Variants in A1CF observed in about 807,000 individuals in gnomAD.
A1CF encodes the protein APOBEC-1 stimulating protein.
A neutral mutation model predicts 68.9 loss-of-function variants in A1CF; 48 were observed. The ratio of observed to expected loss-of-function variants is 0.70; its 90% CI spans 0.55 to 0.89. The LOEUF (loss-of-function observed/expected upper bound fraction) is 0.89. A1CF is among the 40% of genes least tolerant of loss of function. The pLI is 0.00. For missense variants in A1CF, 653 were observed against 718.9 expected, an observed-to-expected ratio of 0.91 and a Z score of 1.05; for synonymous variants, 272 against 260.4, an observed-to-expected ratio of 1.04 and a Z score of -0.43.
At chr10:50,842,392 C>T (rs1839821981) in intron 4 of A1CF, among the ~76,000 whole-genome samples, 1 of 152,198 alleles carries the variant, frequency 6.6e-6, no homozygotes, top group African/African-American at 2.4e-5. Context: ...AGGTGGATTG[C>T]TTAACCCTGG....
intron 5 of A1CF, among the ~76,000 whole-genome samples, chr10:50,837,043 C>CA (rs1477334038): frequency 1.3e-5 from 2 of 152,134 alleles, no homozygotes; most frequent in Non-Finnish European, 2.9e-5. Context: ...CAACACCTGA[C>CA]ATTCCTTTTC....
At chr10:50,859,119 G>A (rs1043136248) in intron 3 of A1CF, among the ~76,000 whole-genome samples, 8 of 152,046 alleles carry the variant, frequency 5.3e-5, no homozygotes, top group Admixed American at 3.3e-4. Context: ...GAAAATAGCT[G>A]AGAAATTAAA....
chr10:50,871,347 T>TA (rs917635760), intron 1 of A1CF, among the ~76,000 whole-genome samples: 29 of 151,854 alleles, frequency 1.9e-4, no homozygotes, highest in African/African-American at 6.3e-4. Context: ...AAAACCTATA[T>TA]AAAAAAATGA....
intron 6 of A1CF, among the ~76,000 whole-genome samples, chr10:50,831,100 T>C (rs1278129638): frequency 6.6e-6 from 1 of 152,068 alleles, no homozygotes; most frequent in African/African-American, 2.4e-5. Flanking sequence ...AATATACACA[T>C]AAGCCAAGTT....
At chr10:50,830,921 C>A (rs1170667229) in intron 6 of A1CF, among the ~76,000 whole-genome samples, 7 of 152,018 alleles carry the variant, frequency 4.6e-5, no homozygotes, top group Non-Finnish European at 2.9e-5. Context: ...GACATTTAGG[C>A]CAATGAAACA....
chr10:50,851,934 GA>G (rs1386380964), intron 3 of A1CF, among the ~76,000 whole-genome samples: 1 of 152,190 alleles, frequency 6.6e-6, no homozygotes, highest in Non-Finnish European at 1.5e-5. Flanking sequence ...TAGCTTGTTT[GA>G]AAGCTGTCTT....
intron 1 of A1CF, among the ~76,000 whole-genome samples, chr10:50,883,684 C>A (rs1303795486): frequency 2.6e-5 from 4 of 152,146 alleles, no homozygotes; most frequent in Non-Finnish European, 5.9e-5. Flanking sequence ...AGAAGATGTT[C>A]TGTTGTAAAT....
At chr10:50,878,258 A>AT (rs779240324) in intron 1 of A1CF, among the ~76,000 whole-genome samples, 45 of 152,188 alleles carry the variant, frequency 3.0e-4, no homozygotes, top group Non-Finnish European at 2.9e-5. Context: ...AGCACTGTAC[A>AT]TTTTTACCTC....
chr10:50,867,859 A>G (rs1207972352), intron 1 of A1CF, among the ~76,000 whole-genome samples: 2 of 152,200 alleles, frequency 1.3e-5, no homozygotes, highest in African/African-American at 4.8e-5. Flanking sequence ...GACAATTTAG[A>G]GTTAGGAAAT....
At chr10:50,857,512 A>T (rs1470418010) in intron 3 of A1CF, among the ~76,000 whole-genome samples, 1 of 152,132 alleles carries the variant, frequency 6.6e-6, no homozygotes, top group African/African-American at 2.4e-5. Flanking sequence ...AGTTTTTGGA[A>T]TTTGCACAAA....
At chr10:50,813,822 C>A (rs771887290) in intron 10 of A1CF, 35 bp downstream of exon 10, 6 of 1,601,190 alleles carry the variant, frequency 3.7e-6, no homozygotes, top group South Asian at 2.2e-5. Context: ...ATTGGCACAA[C>A]TTAAAGAAAC....
intron 3 of A1CF, among the ~76,000 whole-genome samples, chr10:50,852,290 T>C (rs1259794700): frequency 6.6e-6 from 1 of 152,216 alleles, no homozygotes; most frequent in Non-Finnish European, 1.5e-5. Flanking sequence ...TTGGAAATAA[T>C]AGCTTCTGGA....
intron 7 of A1CF, among the ~76,000 whole-genome samples, 195 bp downstream of exon 7, chr10:50,827,936 T>G (rs1378940109): frequency 6.6e-6 from 1 of 151,342 alleles, no homozygotes; most frequent in East Asian, 1.9e-4. Flanking sequence ...ATAAGCACAA[T>G]AAAAAATGAT....
chr10:50,835,318 G>A (rs1291523583), intron 6 of A1CF, among the ~76,000 whole-genome samples: 1 of 151,978 alleles, frequency 6.6e-6, no homozygotes, highest in Non-Finnish European at 1.5e-5. Context: ...GTTTTGTTTT[G>A]AATTCTGGTG....
chr10:50,867,844 T>G (rs1841066197), intron 1 of A1CF, among the ~76,000 whole-genome samples: 1 of 152,180 alleles, frequency 6.6e-6, no homozygotes, highest in Non-Finnish European at 1.5e-5. Flanking sequence ...ATCTGCAACG[T>G]GGTAGACAAT....
At chr10:50,867,293 A>G (rs531371379) in intron 1 of A1CF, among the ~76,000 whole-genome samples, 68 of 152,182 alleles carry the variant, frequency 4.5e-4, no homozygotes, top group African/African-American at 1.5e-3. Context: ...ACAATTGGAT[A>G]AAGAAAATTT....
At chr10:50,837,987 C>T (rs888149852) in intron 5 of A1CF, among the ~76,000 whole-genome samples, 9 of 152,054 alleles carry the variant, frequency 5.9e-5, no homozygotes, top group East Asian at 1.9e-4. Flanking sequence ...AATGGAGTTG[C>T]GGAGAAATGG....
At chr10:50,864,009 G>A (rs1040474091) in intron 2 of A1CF, 24 bp downstream of exon 2, 3 of 151,996 alleles carry the variant, frequency 2.0e-5, no homozygotes, top group African/African-American at 7.3e-5. Flanking sequence ...CCAATACACA[G>A]TAAGTAAAAT....
chr10:50,828,083 C>A (rs1839054743), intron 7 of A1CF, 48 bp downstream of exon 7: 2 of 1,427,674 alleles, frequency 1.4e-6, no homozygotes, highest in Non-Finnish European at 1.9e-6. Context: ...CAAGACTAAA[C>A]CAGGACAAAG....
Sources: gnomAD v4.1 joint callset for allele counts (sites outside exome capture counted in the v4.1 genomes callset) on GRCh38, gnomAD v4.1.1 for gene constraint, MANE v1.5 for transcripts, NCBI Gene and HGNC (gene_info 2026-07-23, HGNC 2026-07-21) for gene names.